BTBD9: variants seen among roughly 807,000 people sequenced by gnomAD.
The protein encoded by BTBD9 is BTB/POZ domain-containing protein 9.
A neutral mutation model predicts 64.3 loss-of-function variants in BTBD9; 49 were observed. The ratio of observed to expected loss-of-function variants is 0.76; its 90% CI spans 0.61 to 0.97. The LOEUF (loss-of-function observed/expected upper bound fraction) is 0.97. Ranked by LOEUF, BTBD9 falls within the 50% of genes least tolerant of loss-of-function variation. The pLI is 0.00. For missense variants in BTBD9, 598 were observed against 762.1 expected, an observed-to-expected ratio of 0.78 and a Z score of 2.53; for synonymous variants, 260 against 274.7, an observed-to-expected ratio of 0.95 and a Z score of 0.53.
At chr6:38,284,091 G>A (rs1359928578) in intron 8 of BTBD9, among the ~76,000 whole-genome samples, 1 of 152,126 alleles carries the variant, frequency 6.6e-6, no homozygotes, top group East Asian at 1.9e-4. Flanking sequence ...AGAGGCAAAT[G>A]CAGTTCCTGA....
intron 6 of BTBD9, among the ~76,000 whole-genome samples, chr6:38,572,764 TAA>T (rs563981566): frequency 1.8e-4 from 26 of 142,842 alleles, no homozygotes; most frequent in African/African-American, 5.9e-4. Flanking sequence ...ATATAAGGCT[TAA>T]AAAAAAAAAA....
intron 7 of BTBD9, among the ~76,000 whole-genome samples, chr6:38,297,327 T>C (rs556022594): frequency 5.9e-5 from 9 of 152,150 alleles, no homozygotes; most frequent in East Asian, 3.9e-4. Flanking sequence ...GATTGCGCCA[T>C]TGCACCCCAG....
rs1167563223 is a variant in BTBD9, at chr6:38,169,484, GGAC to G, written c.*5498_*5500del. On this transcript the variant is annotated 3_prime_UTR_variant, in exon 11 of 11. Coordinates refer to ENST00000481247, the MANE Select transcript of BTBD9 (RefSeq NM_001099272.2). ...GGTGGGGAGCAATTTGGCAGCAGAC[GGAC>G]TAATATCAACGTCTCCAGTGACCCA... The G allele has an allele frequency of 5.7e-5, 1 of 17,470 alleles. No individual in the cohort carries two copies. The highest frequency in any genetic ancestry group is 1.7e-4 in the Non-Finnish European group (1 of 6,036). The allele number at this position is 17,470 out of a possible 1,614,324, so 1.1% of individuals were successfully genotyped here.
intron 6 of BTBD9, among the ~76,000 whole-genome samples, chr6:38,508,501 G>C (rs945977720): frequency 6.6e-6 from 1 of 152,062 alleles, no homozygotes; most frequent in African/African-American, 2.4e-5. Flanking sequence ...CTAGACTTTT[G>C]CAAGTCTACA....
At chr6:38,374,468 T>C (rs924251267) in intron 6 of BTBD9, among the ~76,000 whole-genome samples, 4 of 151,074 alleles carry the variant, frequency 2.6e-5, no homozygotes, top group African/African-American at 9.8e-5. Flanking sequence ...TTTTAACTTA[T>C]TGTATCCTAA....
At chr6:38,530,147 G>A (rs1773722365) in intron 6 of BTBD9, among the ~76,000 whole-genome samples, 1 of 152,080 alleles carries the variant, frequency 6.6e-6, no homozygotes, top group Admixed American at 6.6e-5. Context: ...GCAGTACGCT[G>A]GGCTTACTAG....
intron 6 of BTBD9, among the ~76,000 whole-genome samples, chr6:38,432,778 A>T (rs1468029824): frequency 6.6e-6 from 1 of 151,876 alleles, no homozygotes; most frequent in Admixed American, 6.6e-5. Context: ...CTAAGATTAC[A>T]TCGCCAATCA....
intron 6 of BTBD9, among the ~76,000 whole-genome samples, chr6:38,565,408 A>G (rs1376970741): frequency 4.6e-5 from 7 of 152,138 alleles, no homozygotes; most frequent in Non-Finnish European, 1.0e-4. Context: ...ATATCCCTTA[A>G]GGGAGCAAAT....
chr6:38,437,270 G>T (rs932793542), intron 6 of BTBD9, among the ~76,000 whole-genome samples: 1 of 152,186 alleles, frequency 6.6e-6, no homozygotes, highest in Non-Finnish European at 1.5e-5. Context: ...GTAGCGAAGG[G>T]AGGGTCACGG....
At chr6:38,366,500 C>T (rs1333091917) in intron 6 of BTBD9, among the ~76,000 whole-genome samples, 1 of 152,186 alleles carries the variant, frequency 6.6e-6, no homozygotes, top group African/African-American at 2.4e-5. Context: ...TCATACAAAG[C>T]ATGTATATAC....
intron 6 of BTBD9, among the ~76,000 whole-genome samples, chr6:38,378,245 CT>C (rs1222285736): frequency 0.038 from 5,221 of 136,826 alleles, 141 homozygotes; most frequent in East Asian, 0.11. Context: ...CAAAACTTTT[CT>C]TTTTTTTTTT....
At chr6:38,556,586 C>T (rs892292065) in intron 6 of BTBD9, among the ~76,000 whole-genome samples, 2 of 139,892 alleles carry the variant, frequency 1.4e-5, no homozygotes, top group East Asian at 4.2e-4. Context: ...ATTTGATCAC[C>T]CAGGAGTAAA....
intron 6 of BTBD9, among the ~76,000 whole-genome samples, chr6:38,538,885 G>A (rs1774144430): frequency 1.3e-5 from 2 of 151,796 alleles, no homozygotes; most frequent in South Asian, 4.2e-4. Context: ...CCAAGCTCAT[G>A]TGATCCCTAC....
At chr6:38,297,974 C>T (rs1351624144) in intron 7 of BTBD9, among the ~76,000 whole-genome samples, 5 of 151,206 alleles carry the variant, frequency 3.3e-5, no homozygotes, top group African/African-American at 4.9e-5. Context: ...CCAAGTAGCT[C>T]GGAATACAGG....
At chr6:38,258,722 CT>C (rs1764690134) in intron 8 of BTBD9, among the ~76,000 whole-genome samples, 1 of 152,130 alleles carries the variant, frequency 6.6e-6, no homozygotes, top group Non-Finnish European at 1.5e-5. Context: ...AACGCCGTCT[CT>C]ACTAAAAATA....
At chr6:38,639,700 A>AGGGGCGG (rs1319043654) in intron 1 of BTBD9, 100 bp downstream of exon 1, 1 of 146,474 alleles carries the variant, frequency 6.8e-6, no homozygotes, top group African/African-American at 2.5e-5. Context: ...AAAGCGGCGG[A>AGGGGCGG]GGGGCGGGGG....
chr6:38,330,854 C>CT (rs1255618208), intron 7 of BTBD9, among the ~76,000 whole-genome samples: 2 of 152,186 alleles, frequency 1.3e-5, no homozygotes, highest in African/African-American at 2.4e-5. Flanking sequence ...AGTTAAACCT[C>CT]TACCTCAGAC....
At chr6:38,200,589 C>T (rs1279509363) in intron 9 of BTBD9, among the ~76,000 whole-genome samples, 1 of 152,150 alleles carries the variant, frequency 6.6e-6, no homozygotes. Context: ...AACATTACAA[C>T]TGATGCCACC....
chr6:38,490,543 C>T (rs1257003022), intron 6 of BTBD9, among the ~76,000 whole-genome samples: 1 of 152,132 alleles, frequency 6.6e-6, no homozygotes, highest in East Asian at 1.9e-4. Flanking sequence ...TGATCTCGAA[C>T]TCCTGACCTC....
Sources: allele counts gnomAD v4.1 joint callset (sites outside exome capture counted in the v4.1 genomes callset), GRCh38; gene constraint gnomAD v4.1.1; transcripts MANE v1.5; gene names NCBI Gene and HGNC (gene_info 2026-07-23, HGNC 2026-07-21).